The following ANXA4 variants were observed in gnomAD, a reference collection of about 807,000 sequenced individuals.
ANXA4 encodes annexin A4.
A neutral mutation model predicts 49.8 loss-of-function variants in ANXA4; 39 were observed. That is an observed-to-expected ratio of 0.78 (90% CI 0.61 to 1.02). The LOEUF (loss-of-function observed/expected upper bound fraction) is 1.02. Ranked by LOEUF, ANXA4 falls within the 50% of genes least tolerant of loss-of-function variation. The pLI, the probability that ANXA4 is intolerant of heterozygous loss-of-function variation, is 0.00. For synonymous variants in ANXA4, 134 were observed against 152.5 expected (o/e 0.88, Z 0.89); for missense variants, 360 against 410.1 (o/e 0.88, Z 1.05).
Position 69,819,730 on chromosome 2 carries a change from G to A in ANXA4, c.783+392G>A, listed in dbSNP as rs551032541. On this transcript the variant is annotated intron_variant, in intron 11 of 12. Transcript: ENST00000394295. ...GAGCCCGTATTCCTAACCCTCCATC[G>A]TACTCTGCAGGCTGAGAATCACAGG... 3.0e-4 allele frequency among the ~76,000 whole-genome samples: 46 copies of A among 152,150 alleles called. No individual in the cohort carries two copies. The Middle Eastern group carries it at 0.014, about 45-fold the overall frequency.
intron 2 of ANXA4, among the ~76,000 whole-genome samples, chr2:69,656,259 G>GTATATATATGTATATACA (rs1676450860): frequency 8.3e-6 from 1 of 119,884 alleles, no homozygotes; most frequent in African/African-American, 3.1e-5. Context: ...ATGTATATAC[G>GTATATATATGTATATACA]TATATATATG....
At chr2:69,676,948 T>C (rs1399348452) in intron 2 of ANXA4, among the ~76,000 whole-genome samples, 1 of 152,154 alleles carries the variant, frequency 6.6e-6, no homozygotes, top group African/African-American at 2.4e-5. Flanking sequence ...TATTTTGGTG[T>C]ATCTCCTTCT....
chr2:69,734,866 C>T (rs1049790477), intron 3 of ANXA4, among the ~76,000 whole-genome samples: 2 of 152,198 alleles, frequency 1.3e-5, no homozygotes, highest in African/African-American at 4.8e-5. Flanking sequence ...GCAAACTTCA[C>T]TGATGAGTGG....
chr2:69,814,342 C>T (rs114476607), intron 8 of ANXA4, among the ~76,000 whole-genome samples: 43 of 97,270 alleles, frequency 4.4e-4, no homozygotes, highest in African/African-American at 8.2e-4. Flanking sequence ...GTATTTTATT[C>T]TTTTTTTTTT....
upstream of ANXA4, among the ~76,000 whole-genome samples, chr2:69,738,259 G>A (rs560590253): frequency 1.8e-4 from 27 of 152,198 alleles, no homozygotes; most frequent in African/African-American, 6.5e-4. Context: ...GGTTGCTCCA[G>A]TTTCATTGCA....
intron 2 of ANXA4, among the ~76,000 whole-genome samples, chr2:69,683,810 T>C (rs898670503): frequency 7.9e-5 from 12 of 152,214 alleles, no homozygotes; most frequent in African/African-American, 2.9e-4. Flanking sequence ...CAAGAGAATT[T>C]GTCCCAGATT....
At chr2:69,666,405 G>A (rs550628831) in intron 2 of ANXA4, among the ~76,000 whole-genome samples, 1 of 152,286 alleles carries the variant, frequency 6.6e-6, no homozygotes, top group South Asian at 2.1e-4. Flanking sequence ...TGTAAAATGT[G>A]CAACTGGTGG....
chr2:69,724,825 A>C (rs901000907), intron 3 of ANXA4, among the ~76,000 whole-genome samples: 2 of 152,246 alleles, frequency 1.3e-5, no homozygotes, highest in African/African-American at 4.8e-5. Context: ...TTCTTCTGCC[A>C]CTAGATGGCG....
chr2:69,711,055 C>T (rs938784970), intron 2 of ANXA4, among the ~76,000 whole-genome samples: 2 of 151,996 alleles, frequency 1.3e-5, no homozygotes, highest in Non-Finnish European at 2.9e-5. Flanking sequence ...ACTGGCCAGG[C>T]GTGGTTGCTC....
chr2:69,714,726 C>G (rs1278997849), intron 2 of ANXA4, among the ~76,000 whole-genome samples: 1 of 152,212 alleles, frequency 6.6e-6, no homozygotes, highest in Non-Finnish European at 1.5e-5. Context: ...CAATCAATAG[C>G]CAGACACCCA....
intron 1 of ANXA4, among the ~76,000 whole-genome samples, chr2:69,743,012 T>C (rs1427337828): frequency 6.6e-6 from 1 of 152,164 alleles, no homozygotes; most frequent in Admixed American, 6.5e-5. Flanking sequence ...CCCTTTAATT[T>C]TTTGTTTTGT....
At chr2:69,803,062 A>G (rs939730763) in intron 3 of ANXA4, among the ~76,000 whole-genome samples, 7 of 150,576 alleles carry the variant, frequency 4.6e-5, no homozygotes, top group Non-Finnish European at 8.9e-5. Flanking sequence ...TTAGCCAGGC[A>G]TGGTGGCAGG....
At chr2:69,705,158 T>C (rs1488607868) in intron 2 of ANXA4, among the ~76,000 whole-genome samples, 3 of 151,890 alleles carry the variant, frequency 2.0e-5, no homozygotes, top group Non-Finnish European at 4.4e-5. Context: ...TAGCCAAGCG[T>C]GGTGGTGTGC....
intron 1 of ANXA4, among the ~76,000 whole-genome samples, chr2:69,761,462 A>G (rs1375876230): frequency 2.0e-5 from 3 of 152,246 alleles, no homozygotes; most frequent in Non-Finnish European, 4.4e-5. Flanking sequence ...TGTTTTTTAA[A>G]AGAATTTCAC....
At chr2:69,716,238 A>G (rs189637886) in intron 2 of ANXA4, among the ~76,000 whole-genome samples, 1 of 152,314 alleles carries the variant, frequency 6.6e-6, no homozygotes, top group East Asian at 1.9e-4. Flanking sequence ...GGCTCTGTCT[A>G]GTCCTTACTT....
At chr2:69,767,309 TTA>T (rs1671532807) in intron 1 of ANXA4, among the ~76,000 whole-genome samples, 1 of 152,224 alleles carries the variant, frequency 6.6e-6, no homozygotes, top group Non-Finnish European at 1.5e-5. Context: ...GATGGGGTCA[TTA>T]TATCTAACCT....
In ANXA4 at chr2:69,788,328, C is replaced by T. The variant is rs575572627; in HGVS notation, c.97+187C>T. ...GCTGAGGTGGGCAGATCACTTGAGG[C>T]CACAAGTTCGAGACAAGCCTGGCCA... On this transcript the variant is annotated intron_variant, in intron 3 of 12. Coordinates refer to ENST00000394295, the MANE Select transcript of ANXA4 (RefSeq NM_001153.5). Among the ~76,000 whole-genome samples, 238 of 151,884 alleles carry T rather than the reference C, an allele frequency of 1.6e-3. 1 individual carries two copies. The highest frequency in any genetic ancestry group is 2.5e-3 in the Non-Finnish European group (173 of 67,954).
intron 1 of ANXA4, among the ~76,000 whole-genome samples, chr2:69,778,265 G>T (rs1672041105): frequency 6.6e-6 from 1 of 152,122 alleles, no homozygotes; most frequent in Admixed American, 6.5e-5. Flanking sequence ...ATTTGTTGTT[G>T]GTGGCAAAGA....
At chr2:69,810,709 C>T (rs754281453) in intron 7 of ANXA4, 36 bp downstream of exon 7, 27 of 1,545,430 alleles carry the variant, frequency 1.7e-5, no homozygotes, top group Non-Finnish European at 2.1e-5. Flanking sequence ...CGGGTTTTAT[C>T]GAAATGTCCA....
Sources: allele counts gnomAD v4.1 joint callset (sites outside exome capture counted in the v4.1 genomes callset), GRCh38; gene constraint gnomAD v4.1.1; transcripts MANE v1.5; gene names NCBI Gene and HGNC (gene_info 2026-07-23, HGNC 2026-07-21).